The following EFCAB6 variants were observed in gnomAD, a reference collection of about 807,000 sequenced individuals.
EFCAB6 encodes EF-hand calcium-binding domain-containing protein 6.
EFCAB6 carries 156 observed loss-of-function variants against 169.8 expected under a neutral mutation model. The observed-to-expected ratio is 0.92, with a 90% CI of 0.81 to 1.05. The LOEUF (loss-of-function observed/expected upper bound fraction) is 1.05. EFCAB6 is among the 50% of genes least tolerant of loss of function. The pLI is 0.00. For synonymous variants in EFCAB6, 698 were observed against 676.4 expected (o/e 1.03, Z -0.50); for missense variants, 1,800 against 1,829.1 (o/e 0.98, Z 0.29).
At chr22:43,554,775 A>T in intron 27 of EFCAB6, 94 bp downstream of exon 27, 1 of 1,060,012 alleles carries the variant, frequency 9.4e-7, no homozygotes, top group Non-Finnish European at 1.4e-6. Flanking sequence ...TTTTAAAAAT[A>T]GAGAACAGTC....
At chr22:43,558,817 A>C (rs1166174366) in intron 26 of EFCAB6, among the ~76,000 whole-genome samples, 1 of 152,258 alleles carries the variant, frequency 6.6e-6, no homozygotes, top group African/African-American at 2.4e-5. Flanking sequence ...AGTATAGTGT[A>C]AACATAACTT....
intron 23 of EFCAB6, among the ~76,000 whole-genome samples, chr22:43,593,254 G>A (rs1014304001): frequency 5.9e-5 from 9 of 152,220 alleles, no homozygotes. Flanking sequence ...GCAAGGGGGA[G>A]TGGGTGAGAG....
chr22:43,622,337 G>T (rs938594515), intron 20 of EFCAB6, among the ~76,000 whole-genome samples: 1 of 152,196 alleles, frequency 6.6e-6, no homozygotes, highest in African/African-American at 2.4e-5. Flanking sequence ...GGCCAAGGTG[G>T]GTGGACCACT....
intron 10 of EFCAB6, among the ~76,000 whole-genome samples, chr22:43,702,032 G>A (rs2147280606): frequency 6.6e-6 from 1 of 152,226 alleles, no homozygotes; most frequent in South Asian, 2.1e-4. Context: ...GAGAAGAAGA[G>A]ACCCAGTCAG....
chr22:43,535,430 G>A (rs1313294160), intron 29 of EFCAB6: 1 of 152,390 alleles, frequency 6.6e-6, no homozygotes. Context: ...ACCTTTAGGA[G>A]ATAACAGCTG....
At chr22:43,577,344 C>G (rs557934274) in intron 25 of EFCAB6, among the ~76,000 whole-genome samples, 3 of 152,184 alleles carry the variant, frequency 2.0e-5, no homozygotes, top group Non-Finnish European at 4.4e-5. Flanking sequence ...AGTTAATTCT[C>G]ATTCGGGGCT....
intron 6 of EFCAB6, among the ~76,000 whole-genome samples, chr22:43,737,827 C>A (rs905170180): frequency 2.1e-5 from 3 of 144,718 alleles, no homozygotes; most frequent in African/African-American, 5.1e-5. Flanking sequence ...ACACTCACAC[C>A]ATTACTCACA....
chr22:43,622,464 T>A (rs909659016), intron 20 of EFCAB6, among the ~76,000 whole-genome samples: 3 of 151,790 alleles, frequency 2.0e-5, no homozygotes, highest in African/African-American at 7.3e-5. Context: ...TACTTGGGAG[T>A]CTGAGGCAGG....
chr22:43,667,910 G>C (rs1471366792), intron 16 of EFCAB6, among the ~76,000 whole-genome samples: 3 of 152,116 alleles, frequency 2.0e-5, no homozygotes, highest in African/African-American at 7.2e-5. Flanking sequence ...CATATTTTTG[G>C]GGAAAAAACA....
intron 24 of EFCAB6, among the ~76,000 whole-genome samples, chr22:43,586,770 C>G (rs2051101639): frequency 6.6e-6 from 1 of 152,160 alleles, no homozygotes; most frequent in Non-Finnish European, 1.5e-5. Context: ...GTCAGCATCA[C>G]CTGAGCCCTC....
chr22:43,586,576 G>T (rs1010794950), intron 24 of EFCAB6, among the ~76,000 whole-genome samples: 4 of 151,988 alleles, frequency 2.6e-5, no homozygotes, highest in African/African-American at 9.7e-5. Context: ...GTCAGAGAAG[G>T]CAATTAGCTC....
At position 43,669,464 on chromosome 22, in the gene EFCAB6, C is replaced by A. The variant is rs182906344; in HGVS notation, c.1641-419G>T. On this transcript the variant is annotated intron_variant, in intron 15 of 31. Transcript: ENST00000262726. ...GTTATGCTTGGTGAATAAAGCCAGA[C>A]AAAAAAGAGAATATCTTGTGTGCTT... 2.1e-3 allele frequency among the ~76,000 whole-genome samples: 316 copies of A among 152,050 alleles called. 1 individual carries two copies. Among genetic ancestry groups the A allele is most frequent in the African/African-American group, 7.4e-3 (307 of 41,502 alleles).
At chr22:43,666,177 C>T (rs1279890101) in intron 17 of EFCAB6, among the ~76,000 whole-genome samples, 1 of 152,162 alleles carries the variant, frequency 6.6e-6, no homozygotes, top group East Asian at 1.9e-4. Flanking sequence ...CCTGGCTCTC[C>T]CCATATGCTC....
intron 6 of EFCAB6, among the ~76,000 whole-genome samples, chr22:43,754,864 T>C (rs1419390100): frequency 1.3e-5 from 2 of 152,254 alleles, no homozygotes; most frequent in Non-Finnish European, 2.9e-5. Context: ...GACAAAACTC[T>C]TGCAGAATAA....
intron 20 of EFCAB6, among the ~76,000 whole-genome samples, chr22:43,618,609 C>A (rs916163377): frequency 6.6e-6 from 1 of 152,162 alleles, no homozygotes; most frequent in Non-Finnish European, 1.5e-5. Context: ...GCTTAAGAGT[C>A]AAGAGCAGTC....
At chr22:43,532,789 G>A in intron 30 of EFCAB6, among the ~76,000 whole-genome samples, 1 of 152,300 alleles carries the variant, frequency 6.6e-6, no homozygotes, top group South Asian at 2.1e-4. Context: ...GCCCAGGCAG[G>A]TGTGGCCCTT....
At chr22:43,613,290 A>G (rs1044297268) in intron 21 of EFCAB6, among the ~76,000 whole-genome samples, 1 of 151,456 alleles carries the variant, frequency 6.6e-6, no homozygotes, top group African/African-American at 2.4e-5. Context: ...ATATAACACA[A>G]ATATAAAGAT....
chr22:43,701,677 T>A (rs984628002), intron 10 of EFCAB6, among the ~76,000 whole-genome samples: 2 of 151,562 alleles, frequency 1.3e-5, no homozygotes, highest in Non-Finnish European at 1.5e-5. Context: ...AAATTTTTTT[T>A]AATTTGGATA....
chr22:43,572,118 C>G lies in EFCAB6; in HGVS notation c.3420+4179G>C, dbSNP rs888877909. Among the ~76,000 whole-genome samples, 6 of 152,176 alleles carry G rather than the reference C, an allele frequency of 3.9e-5. No individual in the cohort carries two copies. The highest frequency in any genetic ancestry group is 1.4e-4 in the African/African-American group (6 of 41,438). On this transcript the variant is annotated intron_variant, in intron 26 of 31. Coordinates refer to ENST00000262726, the MANE Select transcript of EFCAB6 (RefSeq NM_022785.4). This position sits in a 1 kb window ranked among gnomAD's most constrained non-coding sequence, Gnocchi z 4.0. ...CACCTCTGCATCCACGGTTCCTAGTCCACCGTGGTTAGTCCCTGTCTCAAG... is the reference window on the plus strand; with the variant it reads ...CACCTCTGCATCCACGGTTCCTAGTGCACCGTGGTTAGTCCCTGTCTCAAG...
Sources: gnomAD v4.1 joint callset for allele counts (sites outside exome capture counted in the v4.1 genomes callset) on GRCh38, gnomAD v4.1.1 for gene constraint, Gnocchi (gnomAD v3.1) non-coding constraint, MANE v1.5 for transcripts, NCBI Gene and HGNC (gene_info 2026-07-23, HGNC 2026-07-21) for gene names.